The following NEK6 variants were observed in gnomAD, a reference collection of about 807,000 sequenced individuals.
The protein encoded by NEK6 is NIMA related kinase 6, also known as serine/threonine-protein kinase Nek6.
In NEK6, 27 loss-of-function variants were observed where a neutral mutation model predicts 43.5. That is an observed-to-expected ratio of 0.62 (90% CI 0.46 to 0.86). The LOEUF is 0.86. Among genes scored for constraint, NEK6 ranks in the 40% least tolerant of loss-of-function variants. NEK6 has a pLI of 0.00. For missense variants in NEK6, 318 were observed against 414.4 expected (o/e 0.77, Z 2.02); for synonymous variants, 167 against 164.1 (o/e 1.02, Z -0.14).
At chr9:124,317,786 T>TG (rs1833888990) in intron 4 of NEK6, among the ~76,000 whole-genome samples, 1 of 152,238 alleles carries the variant, frequency 6.6e-6, no homozygotes, top group Non-Finnish European at 1.5e-5. Flanking sequence ...TATAGATATG[T>TG]TTCTGTGTTA....
At chr9:124,267,088 G>A (rs766551707) in intron 1 of NEK6, among the ~76,000 whole-genome samples, 9 of 152,226 alleles carry the variant, frequency 5.9e-5, no homozygotes, top group Non-Finnish European at 1.2e-4. Flanking sequence ...ACTTTGTTTA[G>A]AGGGCATATC....
chr9:124,271,027 G>A (rs1331409417), intron 1 of NEK6, among the ~76,000 whole-genome samples: 2 of 152,226 alleles, frequency 1.3e-5, no homozygotes, highest in Non-Finnish European at 2.9e-5. Flanking sequence ...GCTGGGGCCA[G>A]ATCTGATTTG....
chr9:124,319,953 C>A (rs13298221), intron 4 of NEK6, among the ~76,000 whole-genome samples: 1,926 of 152,318 alleles, frequency 0.013, 24 homozygotes, highest in Non-Finnish European at 0.021. Context: ...GTGTAAATTA[C>A]CTACATTTGT....
At chr9:124,268,067 A>G (rs1004694850) in intron 1 of NEK6, among the ~76,000 whole-genome samples, 1 of 152,180 alleles carries the variant, frequency 6.6e-6, no homozygotes, top group Non-Finnish European at 1.5e-5. Flanking sequence ...ATGGGGTGGC[A>G]TCTTTGAAAT....
intron 1 of NEK6, among the ~76,000 whole-genome samples, chr9:124,299,712 C>G (rs967060290): frequency 2.6e-5 from 4 of 152,222 alleles, no homozygotes; most frequent in African/African-American, 9.6e-5. Context: ...CATAATGCCC[C>G]TCCGTGTGAC....
At chr9:124,305,722 TC>T (rs1466676858) in intron 2 of NEK6, among the ~76,000 whole-genome samples, 1 of 151,788 alleles carries the variant, frequency 6.6e-6, no homozygotes, top group East Asian at 1.9e-4. Flanking sequence ...AGGTGGAAGC[TC>T]CCCGGGAGGG....
intron 1 of NEK6, among the ~76,000 whole-genome samples, chr9:124,296,848 C>T (rs895860824): frequency 6.6e-6 from 1 of 152,208 alleles, no homozygotes; most frequent in Non-Finnish European, 1.5e-5. Context: ...TCCAAAAATT[C>T]AGAGGCAAGG....
chr9:124,320,012 AG>A (rs1833988096), intron 4 of NEK6, among the ~76,000 whole-genome samples: 1 of 152,248 alleles, frequency 6.6e-6, no homozygotes, highest in East Asian at 1.9e-4. Context: ...AGATGGCAAC[AG>A]GGCTCCCTCC....
At chr9:124,339,286 C>T (rs1396541306) in intron 7 of NEK6, among the ~76,000 whole-genome samples, 1 of 151,554 alleles carries the variant, frequency 6.6e-6, no homozygotes, top group East Asian at 1.9e-4. Context: ...TGAGCCATGG[C>T]GCCCAGCCTC....
rs1829765391 is a variant in NEK6, at chr9:124,343,576, T to C, written c.717+3911T>C. On this transcript the variant is annotated intron_variant, in intron 8 of 9. Transcript: ENST00000320246. This position sits in a 1 kb window ranked among gnomAD's most constrained non-coding sequence, Gnocchi z 5.1. ...CCTAAAGGGGAAGGTGAAGCAGGCG[T>C]TTCCCCAGCAGACAGGGAGGAGAGC... is the stretch of plus-strand genomic sequence containing the variant. Among the ~76,000 whole-genome samples, 1 of 152,024 alleles carries C rather than the reference T, an allele frequency of 6.6e-6. No individual in the cohort carries two copies. The highest frequency in any genetic ancestry group is 2.4e-5 in the African/African-American group (1 of 41,396).
intron 1 of NEK6, among the ~76,000 whole-genome samples, chr9:124,259,737 A>G (rs374907816): frequency 5.3e-5 from 8 of 152,296 alleles, no homozygotes; most frequent in East Asian, 1.9e-4. Context: ...TCCCAGAAGA[A>G]AAGGCCCAGG....
chr9:124,341,677 GTC>G (rs1043324406), intron 8 of NEK6, among the ~76,000 whole-genome samples: 3 of 152,112 alleles, frequency 2.0e-5, no homozygotes, highest in African/African-American at 7.2e-5. Flanking sequence ...CTGCCTCCCT[GTC>G]TCTCCACAGC....
At chr9:124,311,284 G>T (rs1833513614) in intron 2 of NEK6, among the ~76,000 whole-genome samples, 2 of 152,226 alleles carry the variant, frequency 1.3e-5, no homozygotes, top group African/African-American at 4.8e-5. Context: ...CTAGAAAGTT[G>T]AACTGCTTGT....
chr9:124,274,024 C>T (rs992387577), intron 1 of NEK6, among the ~76,000 whole-genome samples: 8 of 152,208 alleles, frequency 5.3e-5, no homozygotes, highest in Admixed American at 5.2e-4. Context: ...GGAATTACCG[C>T]CATCACTTCT....
chr9:124,287,166 G>C (rs1276721873), intron 1 of NEK6, among the ~76,000 whole-genome samples: 1 of 152,114 alleles, frequency 6.6e-6, no homozygotes, highest in African/African-American at 2.4e-5. Context: ...GGATCCCTAG[G>C]GGAAAGACCT....
chr9:124,258,124 C>T, intron 1 of NEK6, 39 bp downstream of exon 1: 1 of 978,692 alleles, frequency 1.0e-6, no homozygotes, highest in Non-Finnish European at 1.2e-6. Context: ...GGTGGGGCCC[C>T]GCGGCCCGGA....
At position 124,331,138 on chromosome 9, in the gene NEK6, C is replaced by T. The variant is rs369771444; in HGVS notation, c.622+3693C>T. Among the ~76,000 whole-genome samples the T allele has an allele frequency of 3.1e-3, 476 of 151,324 alleles. 1 individual carries two copies. Among genetic ancestry groups the T allele is most frequent in the Non-Finnish European group, 5.0e-3 (341 of 67,836 alleles). On this transcript the variant is annotated intron_variant, in intron 7 of 9. Transcript: ENST00000320246. ...AAAATTAGCCAGGCCTGGTGGTGCA[C>T]GCCTGTAATCCCAGCTACTTGGGAG...
Position 124,292,519 on chromosome 9 carries a change from G to C in NEK6, c.-29-9417G>C, listed in dbSNP as rs1832470442. ...ATGGAGGCCACTGGATGGGATTCTA[G>C]ATGCTCGCCTGGGACCCAGGGTGAG... On this transcript the variant is annotated intron_variant, in intron 1 of 9. Transcript: ENST00000320246. 2.0e-6 allele frequency: 3 copies of C among 1,537,098 alleles called. No individual in the cohort carries two copies. The East Asian group carries it at 7.3e-5, about 38-fold the overall frequency.
At chr9:124,350,323 G>A (rs1164210300) in intron 9 of NEK6, among the ~76,000 whole-genome samples, 1 of 151,920 alleles carries the variant, frequency 6.6e-6, no homozygotes, top group Non-Finnish European at 1.5e-5. Context: ...CCCCCACCTC[G>A]GGGCGGGAGC....
Sources: allele counts gnomAD v4.1 joint callset (sites outside exome capture counted in the v4.1 genomes callset), GRCh38; gene constraint gnomAD v4.1.1; non-coding constraint Gnocchi (gnomAD v3.1); transcripts MANE v1.5; gene names NCBI Gene and HGNC (gene_info 2026-07-23, HGNC 2026-07-21).